SHARPIN: variants seen among roughly 807,000 people sequenced by gnomAD.
SHARPIN encodes hSIPL1.
A neutral mutation model predicts 40.3 loss-of-function variants in SHARPIN; 25 were observed. The observed-to-expected ratio is 0.62, with a 90% CI of 0.45 to 0.87. The LOEUF is 0.87. Ranked by LOEUF, SHARPIN falls within the 40% of genes least tolerant of loss-of-function variation. SHARPIN has a pLI of 0.00. For synonymous variants in SHARPIN, 274 were observed against 221.8 expected (o/e 1.24, Z -2.09); for missense variants, 551 against 516.1 (o/e 1.07, Z -0.66).
rs368001164 is a variant in SHARPIN, at chr8:144,098,945, G to C, written c.1097C>G (p.Pro366Arg). 5.7e-6 allele frequency: 9 copies of C among 1,592,334 alleles called. No individual in the cohort carries two copies. Among genetic ancestry groups the C allele is most frequent in the Non-Finnish European group, 7.7e-6 (9 of 1,174,404 alleles). ...CTGGGTGCTACACATCTCACAGCCA[G>C]GGCGGTCTGGGGCATTGATGAAGGT... ...SCTFINAPDR[P>R]GCEMCSTQRP... The change falls in exon 8 of 9, where the codon CCT becomes CGT. Residue 366 changes from proline (P) to arginine (R), a missense_variant. Pro to Arg is a moderately radical substitution (Grantham distance 103). Coordinates refer to ENST00000398712, the MANE Select transcript of SHARPIN (RefSeq NM_030974.4).
chr8:144,103,462 C>T (rs1211503609), intron 1 of SHARPIN, 91 bp downstream of exon 1: 8 of 1,333,422 alleles, frequency 6.0e-6, no homozygotes, highest in Non-Finnish European at 7.2e-6. Context: ...TGCTTAAGGG[C>T]ACCCAGGTGG....
In SHARPIN at chr8:144,100,003, G is replaced by T. The variant is rs201069535; in HGVS notation, c.443C>A (p.Pro148Gln). 5 of 1,607,520 alleles carry T rather than the reference G, an allele frequency of 3.1e-6. No individual in the cohort carries two copies. Among genetic ancestry groups the T allele is most frequent in the Non-Finnish European group, 4.2e-6 (5 of 1,176,758 alleles). Reference protein sequence around the residue: ...EACPVSLPSPPEASTLKGPPP... With the variant: ...EACPVSLPSPQEASTLKGPPP... The stretch of plus-strand genomic sequence containing the variant: ...AGGGCCCTTGAGTGTGGAGGCTTCC[G>T]GGGGACTGGGCAGGGAGACAGGGCA... Residue 148 changes from proline to glutamine, a missense_variant, in exon 3 of 9, where the codon CCG becomes CAG. Pro to Gln is a moderately conservative substitution (Grantham distance 76). Transcript: ENST00000398712.
At chr8:144,103,009 G>C in intron 2 of SHARPIN, 42 bp downstream of exon 2, 2 of 1,611,426 alleles carry the variant, frequency 1.2e-6, no homozygotes, top group African/African-American at 1.3e-5. Flanking sequence ...GGGGGGCCAA[G>C]GCTATTCCAA....
At chr8:144,099,908 A>T in intron 3 of SHARPIN, 21 bp downstream of exon 3, 1 of 1,001,082 alleles carries the variant, frequency 1.0e-6, no homozygotes, top group Non-Finnish European at 1.4e-6. Context: ...GAACCCCCCA[A>T]CCCCCTCCCC....
At chr8:144,103,358 C>T in intron 1 of SHARPIN, 133 bp from the exon 2 acceptor site, 1 of 1,158,170 alleles carries the variant, frequency 8.6e-7, no homozygotes, top group Non-Finnish European at 1.2e-6. Context: ...CAAATCCTCA[C>T]AATAGCCCTG....
chr8:144,099,660 G>A (rs1321360198), intron 4 of SHARPIN, 42 bp from the exon 5 acceptor site: 11 of 1,613,070 alleles, frequency 6.8e-6, no homozygotes. Flanking sequence ...GGGGACCTGG[G>A]ATGGTCACGA....
chr8:144,101,387 C>G (rs959330196), intron 2 of SHARPIN, among the ~76,000 whole-genome samples: 1 of 146,164 alleles, frequency 6.8e-6, no homozygotes, highest in Non-Finnish European at 1.5e-5. Flanking sequence ...CAGGCAGACA[C>G]GACTACACTC....
Position 144,099,915 on chromosome 8 carries a change from C to T in SHARPIN, c.517+14G>A, listed in dbSNP as rs752653168. On this transcript the variant is annotated intron_variant, in intron 3 of 8. Coordinates refer to ENST00000398712, the MANE Select transcript of SHARPIN (RefSeq NM_030974.4). ...CTATCCCCGAACCCCCCAACCCCCT[C>T]CCCCCACCTGTACCTCTCTCCGTCA... is the stretch of plus-strand genomic sequence containing the variant. The T allele has an allele frequency of 6.2e-7, 1 of 1,607,514 alleles. No homozygotes were observed. Among genetic ancestry groups the T allele is most frequent in the Non-Finnish European group, 8.5e-7 (1 of 1,177,342 alleles).
chr8:144,099,423 G>A lies in SHARPIN; in HGVS notation c.776C>T (p.Ser259Leu), dbSNP rs762859512. The A allele has an allele frequency of 1.4e-5, 23 of 1,611,650 alleles. No homozygotes were observed. Among genetic ancestry groups the A allele is most frequent in the Non-Finnish European group, 2.5e-6 (3 of 1,178,810 alleles). Reference sequence around the variant, plus strand: ...CACGGCTGGCGGGAAACCGAGCTCTGAGAACACCTGTGGCCAGAGCATCAG... The same window carrying A: ...CACGGCTGGCGGGAAACCGAGCTCTAAGAACACCTGTGGCCAGAGCATCAG... ...TVAALQEQVF[S>L]ELGFPPAVQR... Residue 259 changes from serine to leucine, a missense_variant, in exon 6 of 9, where the codon TCA (serine) becomes TTA (leucine). Ser to Leu is a moderately radical substitution (Grantham distance 145). Coordinates refer to ENST00000398712, the MANE Select transcript of SHARPIN (RefSeq NM_030974.4).
chr8:144,101,936 C>T (rs1836295180), intron 2 of SHARPIN, among the ~76,000 whole-genome samples: 1 of 152,160 alleles, frequency 6.6e-6, no homozygotes, highest in Admixed American at 6.6e-5. Flanking sequence ...TTGCTTGAGT[C>T]TCTCTTACAT....
At position 144,098,942 on chromosome 8, in the gene SHARPIN, C is replaced by A. The variant is rs370043380; in HGVS notation, c.1100G>T (p.Gly367Val). 1.3e-5 allele frequency: 20 copies of A among 1,592,806 alleles called. No individual in the cohort carries two copies. The highest frequency in any genetic ancestry group is 1.5e-5 in the Non-Finnish European group (18 of 1,174,460). The part of the protein sequence containing the change: ...CTFINAPDRP[G>V]CEMCSTQRPC... Reference sequence around the variant, plus strand: ...CCTCTGGGTGCTACACATCTCACAGCCAGGGCGGTCTGGGGCATTGATGAA... The same window carrying A: ...CCTCTGGGTGCTACACATCTCACAGACAGGGCGGTCTGGGGCATTGATGAA... The change falls in exon 8 of 9, where the codon GGC becomes GTC. Residue 367 changes from glycine (G) to valine (V), a missense_variant. Gly to Val is a moderately radical substitution (Grantham distance 109). Transcript: ENST00000398712.
intron 2 of SHARPIN, among the ~76,000 whole-genome samples, chr8:144,101,751 C>A (rs920846310): frequency 6.6e-6 from 1 of 151,866 alleles, no homozygotes; most frequent in Non-Finnish European, 1.5e-5. Context: ...GTATGTTGCC[C>A]AGCCCTGTAC....
chr8:144,103,610 C>T lies in SHARPIN; in HGVS notation c.144G>A (p.Ala48=), dbSNP rs1187324377. The T allele has an allele frequency of 2.0e-6, 3 of 1,530,168 alleles. No individual in the cohort carries two copies. Among genetic ancestry groups the T allele is most frequent in the Non-Finnish European group, 2.6e-6 (3 of 1,144,742 alleles). The allele number at this position is 1,530,168 out of a possible 1,614,324, so 94.8% of individuals were successfully genotyped here. The change falls in exon 1 of 9, where the codon GCG becomes GCA. Residue 48 remains alanine, a synonymous_variant. Coordinates refer to ENST00000398712, the MANE Select transcript of SHARPIN (RefSeq NM_030974.4). ...EAQLRRLQLS[A]DPERPGRFRL... ...GGAAGCGCCCAGGCCGCTCAGGGTC[C>T]GCGCTCAGCTGCAGCCTCCGCAGCT...
At position 144,101,148 on chromosome 8, in the gene SHARPIN, T is replaced by TA. The variant is rs1199239205; in HGVS notation, c.377-1080dup. Among the ~76,000 whole-genome samples the TA allele has an allele frequency of 3.9e-5, 6 of 152,304 alleles. No individual in the cohort carries two copies. The South Asian group carries it at 1.0e-3, about 26-fold the overall frequency. ...CCGCGCCCGGCCCCTGCCACCGTTT[T>TA]AAACAGCAATCCTCCCAGCTCCACC... On this transcript the variant is annotated intron_variant, in intron 2 of 8. Transcript: ENST00000398712.
chr8:144,099,090 A>C lies in SHARPIN; in HGVS notation c.1038T>G (p.Ser346Arg). 1 of 1,574,592 alleles carries C rather than the reference A, an allele frequency of 6.4e-7. No individual in the cohort carries two copies. Among genetic ancestry groups the C allele is most frequent in the East Asian group, 2.2e-5 (1 of 44,500 alleles). ...GPQPAASSLP[S>R]PLQPSWSCPS... ...CCAGTCCCGTGCCCACCTGGAGTGG[A>C]CTGGGCAGGCTGGAGGCAGCTGGCT... Residue 346 changes from serine (S) to arginine (R), a missense_variant, in exon 7 of 9, where the codon AGT (serine) becomes AGG (arginine). By Grantham distance (110) the Ser-to-Arg change is moderately radical. Coordinates refer to ENST00000398712, the MANE Select transcript of SHARPIN (RefSeq NM_030974.4).
Position 144,102,042 on chromosome 8 carries a change from T to C in SHARPIN, c.376+1009A>G, listed in dbSNP as rs1029490949. Among the ~76,000 whole-genome samples the C allele has an allele frequency of 2.8e-4, 43 of 152,186 alleles. 1 individual carries two copies. The highest frequency in any genetic ancestry group is 1.3e-3 in the Admixed American group (20 of 15,264). On this transcript the variant is annotated intron_variant, in intron 2 of 8. Coordinates refer to ENST00000398712, the MANE Select transcript of SHARPIN (RefSeq NM_030974.4). The stretch of plus-strand genomic sequence containing the variant: ...GAGCCCCATACTACCTAGTCCTTCA[T>C]GTTTCTCAGTCTCAACTGCTAACTC...
In SHARPIN at chr8:144,103,623, A is replaced by G; in HGVS notation, c.131T>C (p.Leu44Pro). The G allele has an allele frequency of 6.5e-7, 1 of 1,528,630 alleles. No homozygotes were observed. The highest frequency in any genetic ancestry group is 1.2e-5 in the South Asian group (1 of 83,742). 94.7% of individuals were successfully genotyped at this position (1,528,630 alleles called of 1,614,324 possible). The change falls in exon 1 of 9, where the codon CTG (leucine) becomes CCG (proline). Residue 44 changes from leucine to proline, a missense_variant. Transcript: ENST00000398712. ...CCGCTCAGGGTCCGCGCTCAGCTGC[A>G]GCCTCCGCAGCTGTGCCTCGGCGTC... is the stretch of plus-strand genomic sequence containing the variant. ...GPDAEAQLRR[L>P]QLSADPERPG...
Position 144,103,079 on chromosome 8 carries a change from G to A in SHARPIN, c.348C>T (p.Val116=), listed in dbSNP as rs746401527. 9.9e-6 allele frequency: 16 copies of A among 1,612,502 alleles called. No individual in the cohort carries two copies. The highest frequency in any genetic ancestry group is 1.3e-5 in the African/African-American group (1 of 74,454). The change falls in exon 2 of 9, where the codon GTC becomes GTT. Residue 116 remains valine, a synonymous_variant. Coordinates refer to ENST00000398712, the MANE Select transcript of SHARPIN (RefSeq NM_030974.4). The part of the protein sequence containing the change: ...PQEAQRWAVL[V]RGATVEGQNG... The stretch of plus-strand genomic sequence containing the variant: ...TCTGTCCTTCCACGGTGGCACCTCG[G>A]ACTAGGACTGCCCACCGCTGAGCTT...
chr8:144,102,884 TC>T, intron 2 of SHARPIN, 166 bp downstream of exon 2: 1 of 797,226 alleles, frequency 1.3e-6, no homozygotes. Context: ...GGAGACTGAC[TC>T]CAGCAGCCAC....
Sources: gnomAD v4.1 joint callset for allele counts (sites outside exome capture counted in the v4.1 genomes callset) on GRCh38, gnomAD v4.1.1 for gene constraint, MANE v1.5 for transcripts, NCBI Gene and HGNC (gene_info 2026-07-23, HGNC 2026-07-21) for gene names.